The following SPTBN1 variants were observed in gnomAD, a reference collection of about 807,000 sequenced individuals.
SPTBN1 encodes the protein spectrin beta, non-erythrocytic 1.
Under a neutral mutation model 266.4 loss-of-function variants are expected in SPTBN1, and 32 were observed. That is an observed-to-expected ratio of 0.12 (90% CI 0.09 to 0.16). SPTBN1 has a LOEUF of 0.16. Among genes scored for constraint, SPTBN1 ranks in the 10% least tolerant of loss-of-function variants. The pLI, the probability that SPTBN1 is intolerant of heterozygous loss-of-function variation, is 1.00. For missense variants in SPTBN1, 2,296 were observed against 3,067.1 expected (o/e 0.75, Z 5.94); for synonymous variants, 1,336 against 1,162.2 (o/e 1.15, Z -3.04).
intron 2 of SPTBN1, among the ~76,000 whole-genome samples, chr2:54,583,312 C>T (rs575764228): frequency 3.9e-5 from 6 of 152,282 alleles, no homozygotes; most frequent in African/African-American, 4.8e-5. Context: ...TAAACTCTTT[C>T]TGCTTCTGCG....
intron 18 of SPTBN1, among the ~76,000 whole-genome samples, chr2:54,639,474 T>TG (rs1395382726): frequency 4.6e-5 from 7 of 152,358 alleles, no homozygotes; most frequent in African/African-American, 1.7e-4. Context: ...TACCTAACCA[T>TG]GGTAAAGCTC....
chr2:54,579,488 G>C (rs752045666), intron 2 of SPTBN1, among the ~76,000 whole-genome samples: 5 of 152,134 alleles, frequency 3.3e-5, no homozygotes, highest in Admixed American at 3.3e-4. Flanking sequence ...GGGGTAGTTC[G>C]TCTCTGTATT....
intron 2 of SPTBN1, among the ~76,000 whole-genome samples, chr2:54,576,642 A>G (rs562166712): frequency 6.6e-6 from 1 of 152,314 alleles, no homozygotes; most frequent in Admixed American, 6.5e-5. Context: ...GTGCCGTGGA[A>G]GAAGGCAGGA....
intron 2 of SPTBN1, among the ~76,000 whole-genome samples, chr2:54,544,615 C>T (rs2104408644): frequency 6.6e-6 from 1 of 152,018 alleles, no homozygotes; most frequent in African/African-American, 2.4e-5. Flanking sequence ...CCTAAGAGAC[C>T]TATTAAAAAA....
chr2:54,493,130 T>G (rs1438089258), intron 1 of SPTBN1, among the ~76,000 whole-genome samples: 1 of 150,998 alleles, frequency 6.6e-6, no homozygotes, highest in Non-Finnish European at 1.5e-5. Context: ...CTCAGCCTGC[T>G]GCGTATCTGG....
At chr2:54,459,487 T>G (rs1389654399) in intron 1 of SPTBN1, among the ~76,000 whole-genome samples, 1 of 152,206 alleles carries the variant, frequency 6.6e-6, no homozygotes, top group East Asian at 1.9e-4. Flanking sequence ...CGTGGAAGGA[T>G]TTTACTACTG....
At chr2:54,652,092 C>T (rs1035505307) in intron 26 of SPTBN1, among the ~76,000 whole-genome samples, 7 of 152,122 alleles carry the variant, frequency 4.6e-5, no homozygotes, top group Middle Eastern at 3.2e-3. Context: ...CAGTTGTCTG[C>T]GGACTTCTTT....
At chr2:54,470,615 C>G (rs971529740) in intron 1 of SPTBN1, among the ~76,000 whole-genome samples, 1 of 152,180 alleles carries the variant, frequency 6.6e-6, no homozygotes, top group Admixed American at 6.5e-5. Context: ...GGGCTTTTTT[C>G]GTTTTTGCCA....
intron 35 of SPTBN1, 87 bp downstream of exon 35, chr2:54,667,733 T>TG: frequency 1.6e-6 from 2 of 1,213,090 alleles, no homozygotes; most frequent in Admixed American, 3.5e-5. Flanking sequence ...AAGTTCTTCA[T>TG]GTAAATGATG....
rs74961624 is a variant in SPTBN1 at position 54,475,528 on chromosome 2, G to C, written c.-48+19010G>C. ...TTGGACTAGTTCTGAGGAATGGCCT[G>C]TGTCCAGACTGCAGCCAGAGTCCTT... On this transcript the variant is annotated intron_variant, in intron 1 of 35. Coordinates refer to ENST00000356805, the MANE Select transcript of SPTBN1 (RefSeq NM_003128.3). Among the ~76,000 whole-genome samples, 3 of 152,236 alleles carry C rather than the reference G, an allele frequency of 2.0e-5. No homozygotes were observed. The South Asian group carries it at 6.2e-4, about 32-fold the overall frequency.
intron 2 of SPTBN1, among the ~76,000 whole-genome samples, chr2:54,565,684 G>A (rs1472930230): frequency 6.6e-6 from 1 of 152,208 alleles, no homozygotes; most frequent in Non-Finnish European, 1.5e-5. Flanking sequence ...AAGGGAGACA[G>A]ATCAATATCT....
chr2:54,653,766 A>G lies in SPTBN1; in HGVS notation c.5735A>G (p.Asp1912Gly), dbSNP rs955535489. ...AGGGTGCGGCTGGTGGACACAGGGG[A>G]CAAGTTCCGCTTCTTCAGCATGGTG... ...SRRVRLVDTG[D>G]KFRFFSMVRD... The change falls in exon 27 of 36, where the codon GAC (aspartate) becomes GGC (glycine). Residue 1912 changes from aspartate (D) to glycine (G), a missense_variant. Asp to Gly is a moderately conservative substitution (Grantham distance 94). Transcript: ENST00000356805. This position sits in a 1 kb window ranked among gnomAD's most constrained non-coding sequence, Gnocchi z 5.1. 6.2e-7 allele frequency: 1 copy of G among 1,614,190 alleles called. No individual in the cohort carries two copies.
chr2:54,492,356 T>G (rs1456638656), intron 1 of SPTBN1, among the ~76,000 whole-genome samples: 2 of 151,068 alleles, frequency 1.3e-5, no homozygotes, highest in African/African-American at 2.4e-5. Flanking sequence ...TTTGTTTTTT[T>G]TTTTTTTTGC....
rs114122448 is a variant in SPTBN1 at position 54,461,818 on chromosome 2, A to G, written c.-48+5300A>G. On this transcript the variant is annotated intron_variant, in intron 1 of 35. Coordinates refer to ENST00000356805, the MANE Select transcript of SPTBN1 (RefSeq NM_003128.3). Reference sequence around the variant, plus strand: ...TTACTACTAATCCTTTGTGGATTACATGTCTTGCGACAATTACTTCTCAGC... The same window carrying G: ...TTACTACTAATCCTTTGTGGATTACGTGTCTTGCGACAATTACTTCTCAGC... Among the ~76,000 whole-genome samples the G allele has an allele frequency of 6.2e-3, 937 of 152,302 alleles. 5 individuals carry two copies. Among genetic ancestry groups the G allele is most frequent in the Non-Finnish European group, 0.01 (692 of 68,028 alleles).
intron 4 of SPTBN1, among the ~76,000 whole-genome samples, chr2:54,613,696 A>G (rs1573530679): frequency 1.3e-5 from 2 of 152,346 alleles, no homozygotes; most frequent in African/African-American, 4.8e-5. Flanking sequence ...AATTACAGCA[A>G]TCAAGGACAT....
At position 54,670,567 on chromosome 2, in the gene SPTBN1, T is replaced by C; in HGVS notation, c.*1998T>C. 2.5e-6 allele frequency: 1 copy of C among 397,492 alleles called. No homozygotes were observed. Among genetic ancestry groups the C allele is most frequent in the Non-Finnish European group, 4.4e-6 (1 of 225,668 alleles). The allele number at this position is 397,492 out of a possible 1,614,324, so 24.6% of individuals were successfully genotyped here. Reference sequence around the variant, plus strand: ...GCTCAGGGTTGGAATCAAGTTGTTCTATTCTCAACAGACCAAAATGTTTAG... The same window carrying C: ...GCTCAGGGTTGGAATCAAGTTGTTCCATTCTCAACAGACCAAAATGTTTAG... On this transcript the variant is annotated 3_prime_UTR_variant, in exon 36 of 36. Transcript: ENST00000356805.
In SPTBN1 at chr2:54,460,951, G is replaced by A. The variant is rs142384966; in HGVS notation, c.-48+4433G>A. 6.4e-3 allele frequency among the ~76,000 whole-genome samples: 981 copies of A among 152,226 alleles called. 13 individuals carry two copies. Among genetic ancestry groups the A allele is most frequent in the African/African-American group, 0.023 (952 of 41,540 alleles). On this transcript the variant is annotated intron_variant, in intron 1 of 35. Transcript: ENST00000356805. ...GGGGAGGCAGAGGTTGCAGTGAGCC[G>A]AGATCGCGCCACTGCATTCCAACCT...
chr2:54,615,948 C>T (rs140017551), intron 4 of SPTBN1, among the ~76,000 whole-genome samples: 6 of 152,184 alleles, frequency 3.9e-5, no homozygotes, highest in Non-Finnish European at 7.3e-5. Flanking sequence ...TGGGTTGTCT[C>T]AGGGGTAAAA....
In SPTBN1 at chr2:54,670,275, A is replaced by G. The variant is rs1681644665; in HGVS notation, c.*1706A>G. The G allele has an allele frequency of 6.4e-6, 1 of 156,646 alleles. No homozygotes were observed. Among genetic ancestry groups the G allele is most frequent in the Non-Finnish European group, 1.4e-5 (1 of 71,612 alleles). The allele number at this position is 156,646 out of a possible 1,614,324, so 9.7% of individuals were successfully genotyped here. ...GGCCATAGTTTGCTGACTTCAGCATAGAGTCGTGGGTTATTTACAAGTGAC... is the reference window on the plus strand; with the variant it reads ...GGCCATAGTTTGCTGACTTCAGCATGGAGTCGTGGGTTATTTACAAGTGAC... On this transcript the variant is annotated 3_prime_UTR_variant, in exon 36 of 36. Coordinates refer to ENST00000356805, the MANE Select transcript of SPTBN1 (RefSeq NM_003128.3).
Sources: gnomAD v4.1 joint callset for allele counts (sites outside exome capture counted in the v4.1 genomes callset) on GRCh38, gnomAD v4.1.1 for gene constraint, Gnocchi (gnomAD v3.1) non-coding constraint, MANE v1.5 for transcripts, NCBI Gene and HGNC (gene_info 2026-07-23, HGNC 2026-07-21) for gene names.